FBRSL1: variants seen among roughly 807,000 people sequenced by gnomAD.
FBRSL1 encodes fibrosin like 1, also known as fibrosin-1-like protein.
In FBRSL1, 51 loss-of-function variants were observed where a neutral mutation model predicts 89.6. That is an observed-to-expected ratio of 0.57 (90% CI 0.45 to 0.72). The LOEUF (loss-of-function observed/expected upper bound fraction) is 0.72, where lower values mean the gene tolerates loss of function less well. Among genes scored for constraint, FBRSL1 ranks in the 30% least tolerant of loss-of-function variants. The pLI, the probability that FBRSL1 is intolerant of heterozygous loss-of-function variation, is 0.00. For missense variants in FBRSL1, 1,618 were observed against 1,451.8 expected (o/e 1.11, Z -1.86); for synonymous variants, 779 against 681.1 (o/e 1.14, Z -2.24).
chr12:132,522,941 GC>G (rs2035488219), intron 2 of FBRSL1, among the ~76,000 whole-genome samples: 2 of 152,224 alleles, frequency 1.3e-5, no homozygotes, highest in African/African-American at 2.4e-5. Context: ...GGGGGCAGGG[GC>G]TTGGGTCGGC....
chr12:132,560,734 C>T (rs2039051771), intron 5 of FBRSL1, among the ~76,000 whole-genome samples: 1 of 152,202 alleles, frequency 6.6e-6, no homozygotes, highest in South Asian at 2.1e-4. Context: ...TGCCCGGGCG[C>T]CCCCGCTGCC....
At chr12:132,525,610 G>C in intron 2 of FBRSL1, 124 bp from the exon 3 acceptor site, 2 of 741,450 alleles carry the variant, frequency 2.7e-6, no homozygotes, top group South Asian at 1.7e-5. Context: ...CCCAGCGGCT[G>C]TCGGGGCGCC....
rs547014637 is a variant in FBRSL1 at position 132,505,222 on chromosome 12, C to T, written c.292-2931C>T. ...ACACGATGAAGTGGGTGAGCGCGGC[C>T]GCTGCTGGTCTCCTTGGCTTGGTGC... On this transcript the variant is annotated intron_variant, in intron 1 of 18. Coordinates refer to ENST00000680143, the MANE Select transcript of FBRSL1 (RefSeq NM_001367871.1). Among the ~76,000 whole-genome samples the T allele has an allele frequency of 5.3e-5, 8 of 152,342 alleles. No individual in the cohort carries two copies. In the East Asian group the frequency reaches 5.8e-4, roughly 11 times the overall value.
chr12:132,528,065 G>A (rs2035948848), intron 4 of FBRSL1, 77 bp downstream of exon 4: 1 of 1,365,260 alleles, frequency 7.3e-7, no homozygotes, highest in South Asian at 1.2e-5. Flanking sequence ...ACCTGTCCGA[G>A]GCCCCACAAC....
chr12:132,574,330 G>C lies in FBRSL1; in HGVS notation c.1611G>C (p.Pro537=), dbSNP rs752913270. 2.6e-6 allele frequency: 4 copies of C among 1,548,316 alleles called. No homozygotes were observed. The Admixed American group carries it at 7.9e-5, about 31-fold the overall frequency. ...LLQKAPGVSD[P]YRAVVKKPGR... Reference sequence around the variant, plus strand: ...TCCTGTCTCCACAGGTGTCTGACCCGTACCGGGCGGTGGTCAAGGTGAGCA... The same window carrying C: ...TCCTGTCTCCACAGGTGTCTGACCCCTACCGGGCGGTGGTCAAGGTGAGCA... Residue 537 remains proline, a synonymous_variant, in exon 13 of 19, where the codon CCG becomes CCC. Transcript: ENST00000680143.
chr12:132,517,022 C>A (rs1354344522), intron 2 of FBRSL1, among the ~76,000 whole-genome samples: 1 of 152,248 alleles, frequency 6.6e-6, no homozygotes, highest in Non-Finnish European at 1.5e-5. Flanking sequence ...GCCTCCTGGG[C>A]CCAGCCTGGC....
At chr12:132,577,880 G>A (rs2040478858) in intron 15 of FBRSL1, among the ~76,000 whole-genome samples, 1 of 152,230 alleles carries the variant, frequency 6.6e-6, no homozygotes, top group African/African-American at 2.4e-5. Context: ...GTCTCAGCCT[G>A]CACGGTGCAC....
intron 2 of FBRSL1, chr12:132,509,188 C>T (rs935354797): frequency 3.0e-5 from 37 of 1,245,640 alleles, no homozygotes; most frequent in Admixed American, 8.4e-5. Context: ...GAAGGGGGGC[C>T]GCTCCCAGCC....
At chr12:132,503,278 G>A (rs889210430) in intron 1 of FBRSL1, among the ~76,000 whole-genome samples, 1 of 152,216 alleles carries the variant, frequency 6.6e-6, no homozygotes, top group Non-Finnish European at 1.5e-5. Context: ...TCCGTTGCTA[G>A]GCGAGAGCCG....
chr12:132,569,786 C>A, intron 6 of FBRSL1, 140 bp from the exon 7 acceptor site: 1 of 590,872 alleles, frequency 1.7e-6, no homozygotes, highest in Non-Finnish European at 2.6e-6. Flanking sequence ...GCCTCCGTGC[C>A]TGCCTCCTCA....
Position 132,582,072 on chromosome 12 carries a change from C to T in FBRSL1, c.2007C>T (p.Gly669=), listed in dbSNP as rs1419377632. The change falls in exon 18 of 19, where the codon GGC becomes GGT. Residue 669 remains glycine, a synonymous_variant. Transcript: ENST00000680143. ...GGCCTCTGCCCCCAGCTCCCGGTGG[C>T]AGCATCTTTGCCCCCAAGGAGGGCT... ...GLGSHALAPG[G]SIFAPKEGSS... 1.3e-6 allele frequency: 2 copies of T among 1,546,892 alleles called. No homozygotes were observed. The highest frequency in any genetic ancestry group is 1.7e-6 in the Non-Finnish European group (2 of 1,145,010).
chr12:132,540,903 A>G (rs10870464), intron 4 of FBRSL1, among the ~76,000 whole-genome samples: 1 of 152,070 alleles, frequency 6.6e-6, no homozygotes, highest in African/African-American at 2.4e-5. Flanking sequence ...GAAGAAAGTT[A>G]TTTCCCTCTG....
At chr12:132,505,818 G>A (rs192447898) in intron 1 of FBRSL1, among the ~76,000 whole-genome samples, 279 of 152,370 alleles carry the variant, frequency 1.8e-3, no homozygotes, top group Middle Eastern at 3.4e-3. Context: ...AGAGGGGCCA[G>A]CCGCACGGCT....
intron 6 of FBRSL1, among the ~76,000 whole-genome samples, chr12:132,567,859 A>G (rs914007525): frequency 6.6e-6 from 1 of 152,184 alleles, no homozygotes; most frequent in Non-Finnish European, 1.5e-5. Flanking sequence ...GAGCACCACA[A>G]TCACCTGTGG....
chr12:132,525,867 C>T (rs769532575), intron 3 of FBRSL1, 44 bp downstream of exon 3: 35 of 1,473,156 alleles, frequency 2.4e-5, no homozygotes, highest in Non-Finnish European at 3.1e-5. Flanking sequence ...GAGTCTGGGC[C>T]GCCTGCCCGC....
At position 132,520,502 on chromosome 12, in the gene FBRSL1, C is replaced by T. The variant is rs572297614; in HGVS notation, c.490-5232C>T. On this transcript the variant is annotated intron_variant, in intron 2 of 18. Coordinates refer to ENST00000680143, the MANE Select transcript of FBRSL1 (RefSeq NM_001367871.1). ...TGCCACAAAGCCCCTGCCCTCCAAA[C>T]GCCCGAGGGTGGGGACAACAGTCCA... Among the ~76,000 whole-genome samples, 163 of 152,324 alleles carry T rather than the reference C, an allele frequency of 1.1e-3. 2 individuals are homozygous for T. The highest frequency in any genetic ancestry group is 3.7e-3 in the African/African-American group (154 of 41,562).
rs1481518496 is a variant in FBRSL1 at position 132,581,863 on chromosome 12, G to A, written c.1996+39G>A. On this transcript the variant is annotated intron_variant, in intron 17 of 18. Coordinates refer to ENST00000680143, the MANE Select transcript of FBRSL1 (RefSeq NM_001367871.1). ...CCTGTGCCCCCCTCCCCCGATGCCC[G>A]CGCCCCTCCCCCATGCCTGTGTCCT... is the stretch of plus-strand genomic sequence containing the variant. The A allele has an allele frequency of 4.1e-5, 52 of 1,255,646 alleles. No individual in the cohort carries two copies. In the East Asian group the frequency reaches 1.5e-3, roughly 37 times the overall value. 77.8% of individuals were successfully genotyped at this position (1,255,646 alleles called of 1,614,324 possible).
At chr12:132,580,979 G>T in intron 15 of FBRSL1, 1 of 985,456 alleles carries the variant, frequency 1.0e-6, no homozygotes, top group Non-Finnish European at 1.2e-6. Flanking sequence ...ATGCCACAAG[G>T]GGCTGCCATG....
chr12:132,572,319 C>T lies in FBRSL1; in HGVS notation c.1409C>T (p.Pro470Leu). The change falls in exon 10 of 19, where the codon CCC (proline) becomes CTC (leucine). Residue 470 changes from proline to leucine, a missense_variant. Physicochemically the swap from Pro to Leu is moderately conservative, Grantham distance 98. Transcript: ENST00000680143. ...FDKYAPKLDS[P>L]YFRHSSVSFF... ...AAGTATGCGCCCAAGCTGGACAGCCCCTACTTCCGACATTCCAGCGTGAGT... is the reference window on the plus strand; with the variant it reads ...AAGTATGCGCCCAAGCTGGACAGCCTCTACTTCCGACATTCCAGCGTGAGT... 6.4e-7 allele frequency: 1 copy of T among 1,551,202 alleles called. No homozygotes were observed. The highest frequency in any genetic ancestry group is 8.7e-7 in the Non-Finnish European group (1 of 1,146,752).
Sources: gnomAD v4.1 joint callset for allele counts (sites outside exome capture counted in the v4.1 genomes callset) on GRCh38, gnomAD v4.1.1 for gene constraint, MANE v1.5 for transcripts, NCBI Gene and HGNC (gene_info 2026-07-23, HGNC 2026-07-21) for gene names.